Variants in PIWIL1 observed in about 807,000 individuals in gnomAD.
PIWIL1 encodes piwi like RNA-mediated gene silencing 1.
A neutral mutation model predicts 114.4 loss-of-function variants in PIWIL1; 73 were observed. That is an observed-to-expected ratio of 0.64 (90% CI 0.53 to 0.78). PIWIL1 has a LOEUF of 0.78. Ranked by LOEUF, PIWIL1 falls within the 30% of genes least tolerant of loss-of-function variation. The pLI is 0.00. For synonymous variants in PIWIL1, 375 were observed against 369.0 expected, an observed-to-expected ratio of 1.02 and a Z score of -0.19; for missense variants, 723 against 1,063.1, an observed-to-expected ratio of 0.68 and a Z score of 4.45.
chr12:130,362,825 T>A lies in PIWIL1; in HGVS notation c.2030T>A (p.Val677Asp). 1 of 1,614,116 alleles carries A rather than the reference T, an allele frequency of 6.2e-7. No homozygotes were observed. Among genetic ancestry groups the A allele is most frequent in the Non-Finnish European group, 8.5e-7 (1 of 1,180,006 alleles). The change falls in exon 17 of 21, where the codon GTC becomes GAC. Residue 677 changes from valine to aspartate, a missense_variant. Physicochemically the swap from Val to Asp is radical, Grantham distance 152. Around this residue, in one of 8 missense-constraint regions of PIWIL1, gnomAD observed 31 missense variants for 30.2 expected, o/e 1.03. Transcript: ENST00000245255. Reference sequence around the variant, plus strand: ...CAGGAGCTGGTAGATGGGCTCAAAGTCTGCCTGCAAGGTTAGTCACCTGTG... The same window carrying A: ...CAGGAGCTGGTAGATGGGCTCAAAGACTGCCTGCAAGGTTAGTCACCTGTG... Reference protein sequence around the residue: ...RGQELVDGLKVCLQAALRAWN... With the variant: ...RGQELVDGLKDCLQAALRAWN...
the PIWIL1 span, among the ~76,000 whole-genome samples, chr12:130,402,807 C>T: frequency 1.3e-5 from 2 of 152,202 alleles, no homozygotes. Context: ...GATTATCTCC[C>T]GTACCTTAGT....
At chr12:130,342,414 A>G (rs1330206959) in intron 1 of PIWIL1, 166 bp from the exon 2 acceptor site, 1 of 612,660 alleles carries the variant, frequency 1.6e-6, no homozygotes, top group Non-Finnish European at 3.0e-6. Context: ...TGTTGAATGT[A>G]GGAATGTTAC....
rs991820216 is a variant in PIWIL1 at position 130,362,077 on chromosome 12, T to C, written c.1970+476T>C. Among the ~76,000 whole-genome samples, 5 of 152,358 alleles carry C rather than the reference T, an allele frequency of 3.3e-5. No individual in the cohort carries two copies. The East Asian group carries it at 9.6e-4, about 29-fold the overall frequency. ...GTAATGGATATATTTCAAGGTCTTATCATTTTTAACTTTTAGTTTCAGGAG... is the reference window on the plus strand; with the variant it reads ...GTAATGGATATATTTCAAGGTCTTACCATTTTTAACTTTTAGTTTCAGGAG... On this transcript the variant is annotated intron_variant, in intron 16 of 20. Transcript: ENST00000245255.
At chr12:130,404,216 A>G in the PIWIL1 span, among the ~76,000 whole-genome samples, 9 of 152,232 alleles carry the variant, frequency 5.9e-5, no homozygotes, top group Non-Finnish European at 7.3e-5. Flanking sequence ...ACACACACAC[A>G]CTTTTCCAAC....
At chr12:130,413,176 G>A in the PIWIL1 span, among the ~76,000 whole-genome samples, 30 of 152,280 alleles carry the variant, frequency 2.0e-4, no homozygotes, top group Middle Eastern at 3.4e-3. Flanking sequence ...GGGTTCCTAC[G>A]TAACAAGATA....
chr12:130,381,277 G>A, the PIWIL1 span, among the ~76,000 whole-genome samples: 16 of 152,284 alleles, frequency 1.1e-4, no homozygotes, highest in South Asian at 1.2e-3. Flanking sequence ...ATCATGGGAC[G>A]ACACAGAGTC....
the PIWIL1 span, among the ~76,000 whole-genome samples, chr12:130,408,635 G>A: frequency 6.6e-6 from 1 of 152,196 alleles, no homozygotes; most frequent in African/African-American, 2.4e-5. Context: ...GGAGGCCTCA[G>A]TGCAGAGCCG....
chr12:130,371,378 A>G, intron 20 of PIWIL1, 55 bp downstream of exon 20: 1 of 1,612,526 alleles, frequency 6.2e-7, no homozygotes, highest in South Asian at 1.1e-5. Context: ...ACTTTTCAAA[A>G]TGAAATAGCT....
chr12:130,412,437 C>T, the PIWIL1 span, among the ~76,000 whole-genome samples: 1 of 152,300 alleles, frequency 6.6e-6, no homozygotes, highest in East Asian at 1.9e-4. Context: ...CAGGAGACTA[C>T]TGGCAGTCCT....
At chr12:130,367,392 C>A in intron 19 of PIWIL1, 134 bp downstream of exon 19, 1 of 867,730 alleles carries the variant, frequency 1.2e-6, no homozygotes, top group Non-Finnish European at 1.6e-6. Flanking sequence ...ATTTTTTCAA[C>A]TAATTTGGTC....
Position 130,354,648 on chromosome 12 carries a change from C to T in PIWIL1, c.1156C>T (p.Leu386Phe). ...AGGGCCTGCCATGCTCATTCCTGAG[C>T]TCTGCTATCTTACAGGTACTGTTGC... is the stretch of plus-strand genomic sequence containing the variant. ...LPGPAMLIPE[L>F]CYLTGLTDKM... Residue 386 changes from leucine (L) to phenylalanine (F), a missense_variant, in exon 10 of 21, where the codon CTC (leucine) becomes TTC (phenylalanine). Around this residue, in one of 8 missense-constraint regions of PIWIL1, gnomAD observed 298 missense variants for 420.8 expected, o/e 0.71. Transcript: ENST00000245255. The T allele has an allele frequency of 6.3e-7, 1 of 1,591,500 alleles. No homozygotes were observed. The highest frequency in any genetic ancestry group is 8.5e-7 in the Non-Finnish European group (1 of 1,172,512).
chr12:130,340,646 T>TGGGG (rs143005039), intron 1 of PIWIL1, among the ~76,000 whole-genome samples: 3 of 72,804 alleles, frequency 4.1e-5, no homozygotes, highest in African/African-American at 6.0e-5. Flanking sequence ...GGAGGGGGGG[T>TGGGG]GGGGGGAGGG....
the PIWIL1 span, among the ~76,000 whole-genome samples, chr12:130,384,986 A>G: frequency 2.0e-5 from 3 of 152,224 alleles, no homozygotes; most frequent in Non-Finnish European, 4.4e-5. Context: ...AATTCCCCGA[A>G]ACAATAAACA....
chr12:130,404,271 A>T, the PIWIL1 span, among the ~76,000 whole-genome samples: 1 of 152,206 alleles, frequency 6.6e-6, no homozygotes, highest in Non-Finnish European at 1.5e-5. Flanking sequence ...GGGAAAAATC[A>T]TTCACAATCA....
At chr12:130,407,789 C>T in the PIWIL1 span, 7 of 1,613,966 alleles carry the variant, frequency 4.3e-6, no homozygotes, top group Admixed American at 3.3e-5. Context: ...CCATTCTCCG[C>T]GTCGATACCG....
the PIWIL1 span, among the ~76,000 whole-genome samples, chr12:130,423,612 C>T: frequency 1.9e-5 from 1 of 51,954 alleles, no homozygotes; most frequent in Non-Finnish European, 3.9e-5. Context: ...ACTGTGGGCA[C>T]AGAAAAGAAA....
At position 130,349,928 on chromosome 12, in the gene PIWIL1, C is replaced by T. The variant is rs746113660; in HGVS notation, c.1005C>T (p.Ala335=). ...DQNPKSTFKK[A]DGSEVSFLEY... is the part of the protein sequence containing the mutation. ...ATCCCAAGAGCACCTTTAAGAAAGC[C>T]GACGGCTCTGAAGTCAGCTTCTTAG... Residue 335 remains alanine (A), a synonymous_variant, in exon 9 of 21, where the codon GCC becomes GCT. Transcript: ENST00000245255. 1.5e-5 allele frequency: 24 copies of T among 1,612,638 alleles called. No homozygotes were observed. Among genetic ancestry groups the T allele is most frequent in the South Asian group, 6.6e-5 (6 of 90,980 alleles).
chr12:130,361,216 T>G lies in PIWIL1; in HGVS notation c.1702T>G (p.Tyr568Asp). 6.2e-7 allele frequency: 1 copy of G among 1,614,178 alleles called. No homozygotes were observed. Among genetic ancestry groups the G allele is most frequent in the Non-Finnish European group, 8.5e-7 (1 of 1,180,034 alleles). ...CLLSSNRKDK[Y>D]DAIKKYLCTD... ...GTTGTCAAGTAATCGGAAGGACAAA[T>G]ACGATGCTATTAAAAAATACCTGTG... Residue 568 changes from tyrosine (Y) to aspartate (D), a missense_variant, in exon 15 of 21, where the codon TAC (tyrosine) becomes GAC (aspartate). Tyr to Asp is a radical substitution (Grantham distance 160, BLOSUM62 -3). Around this residue, in one of 8 missense-constraint regions of PIWIL1, gnomAD observed 298 missense variants for 420.8 expected, o/e 0.71. Transcript: ENST00000245255.
intron 1 of PIWIL1, among the ~76,000 whole-genome samples, chr12:130,338,834 G>C (rs1240269747): frequency 8.1e-6 from 1 of 124,096 alleles, no homozygotes; most frequent in African/African-American, 3.1e-5. Context: ...GGCCCGACTT[G>C]CCGGGGCTGT....
Sources: allele counts gnomAD v4.1 joint callset (sites outside exome capture counted in the v4.1 genomes callset), GRCh38; gene constraint gnomAD v4.1.1; regional missense constraint gnomAD v4.1.1; transcripts MANE v1.5; gene names NCBI Gene and HGNC (gene_info 2026-07-23, HGNC 2026-07-21).